Variants in TSHZ3 observed in about 807,000 individuals in gnomAD.
TSHZ3 encodes teashirt homolog 3.
Under a neutral mutation model 64.5 loss-of-function variants are expected in TSHZ3, and 10 were observed. The observed-to-expected ratio is 0.16, with a 90% CI of 0.10 to 0.26. TSHZ3 has a LOEUF of 0.26. TSHZ3 is among the 10% of genes least tolerant of loss of function. The pLI is 1.00. For synonymous variants in TSHZ3, 608 were observed against 593.1 expected, an observed-to-expected ratio of 1.03 and a Z score of -0.36; for missense variants, 1,242 against 1,421.7, an observed-to-expected ratio of 0.87 and a Z score of 2.03.
chr19:31,329,129 G>C (rs895793908), intron 1 of TSHZ3, among the ~76,000 whole-genome samples: 1 of 152,176 alleles, frequency 6.6e-6, no homozygotes, highest in Non-Finnish European at 1.5e-5. Context: ...ACTGAAAACG[G>C]ATATTTGTTA....
Position 31,278,380 on chromosome 19 carries a change from C to G in TSHZ3, c.1413G>C (p.Lys471Asn). 6.2e-7 allele frequency: 1 copy of G among 1,614,176 alleles called. No homozygotes were observed. The highest frequency in any genetic ancestry group is 8.5e-7 in the Non-Finnish European group (1 of 1,180,040). Reference protein sequence around the residue: ...SISPKLNVEVKKEVDKEKAVT... With the variant: ...SISPKLNVEVNKEVDKEKAVT... ...CCGCTTTCTCCTTGTCGACTTCCTT[C>G]TTGACCTCCACATTCAGTTTTGGGG... Residue 471 changes from lysine to asparagine, a missense_variant, in exon 2 of 2, where the codon AAG becomes AAC. By Grantham distance (94) the Lys-to-Asn change is moderately conservative (BLOSUM62 0). Transcript: ENST00000240587. This position sits in a 1 kb window ranked among gnomAD's most constrained non-coding sequence, Gnocchi z 4.7.
chr19:31,318,587 A>G (rs1916672310), intron 1 of TSHZ3, among the ~76,000 whole-genome samples: 1 of 152,236 alleles, frequency 6.6e-6, no homozygotes, highest in East Asian at 1.9e-4. Flanking sequence ...TCACTTCTGG[A>G]ACAAAATCCT....
chr19:31,230,148 T>A (rs1187399456), intron 3 of TSHZ3, among the ~76,000 whole-genome samples: 1 of 152,052 alleles, frequency 6.6e-6, no homozygotes, highest in Non-Finnish European at 1.5e-5. Flanking sequence ...AAAATAAACG[T>A]CTGAAAATAT....
At chr19:31,349,491 A>G (rs1431167747), upstream of TSHZ3, 24 of 344,872 alleles carry the variant, frequency 7.0e-5, no homozygotes, top group Middle Eastern at 7.7e-4. Flanking sequence ...AGGAGGAGGC[A>G]GAGGAGGAGG....
At chr19:31,264,745 A>G (rs982800015) in intron 1 of TSHZ3, among the ~76,000 whole-genome samples, 38 of 151,366 alleles carry the variant, frequency 2.5e-4, no homozygotes, top group Non-Finnish European at 4.7e-4. Context: ...GGCTCAAGCC[A>G]AACAAATCGG....
chr19:31,226,451 C>T (rs1284772837), intron 4 of TSHZ3, among the ~76,000 whole-genome samples: 1 of 152,120 alleles, frequency 6.6e-6, no homozygotes. Context: ...CTTTGCCTGC[C>T]ACTATGTAAG....
At chr19:31,166,380 G>A (rs1363848451) in intron 5 of TSHZ3, among the ~76,000 whole-genome samples, 1 of 152,236 alleles carries the variant, frequency 6.6e-6, no homozygotes, top group Admixed American at 6.5e-5. Context: ...TGACAGGGCA[G>A]GGAGCCTGGA....
intron 1 of TSHZ3, among the ~76,000 whole-genome samples, chr19:31,318,666 T>C (rs1466746093): frequency 1.3e-5 from 2 of 152,188 alleles, no homozygotes; most frequent in Non-Finnish European, 2.9e-5. Flanking sequence ...AAAACCACTT[T>C]CTAAAATGTC....
chr19:31,227,696 T>C (rs1975487096), intron 4 of TSHZ3, among the ~76,000 whole-genome samples: 1 of 152,166 alleles, frequency 6.6e-6, no homozygotes, highest in Middle Eastern at 3.2e-3. Context: ...TTTCACTCAG[T>C]AAAGTTGGAG....
intron 5 of TSHZ3, among the ~76,000 whole-genome samples, chr19:31,183,178 TTC>T (rs750398873): frequency 0.04 from 4,671 of 116,284 alleles, 68 homozygotes; most frequent in Non-Finnish European, 0.05. Flanking sequence ...TTCTATGAGA[TTC>T]TCTCTCTCTC....
intron 1 of TSHZ3, among the ~76,000 whole-genome samples, chr19:31,257,228 G>A (rs1291280606): frequency 6.6e-6 from 1 of 152,132 alleles, no homozygotes; most frequent in African/African-American, 2.4e-5. Context: ...AGGGTGGCGA[G>A]GGAGCAGGAC....
intron 1 of TSHZ3, among the ~76,000 whole-genome samples, chr19:31,336,095 A>G (rs1917234534): frequency 6.6e-6 from 1 of 152,224 alleles, no homozygotes. Context: ...CTTTGGGAAG[A>G]GAATGGTGTG....
intron 5 of TSHZ3, among the ~76,000 whole-genome samples, chr19:31,176,280 G>T (rs561774186): frequency 6.6e-5 from 10 of 152,228 alleles, no homozygotes; most frequent in African/African-American, 2.2e-4. Context: ...TAGGGGAGGA[G>T]GGGTGGGCAC....
At chr19:31,302,083 T>C (rs1976766853) in intron 1 of TSHZ3, among the ~76,000 whole-genome samples, 1 of 152,040 alleles carries the variant, frequency 6.6e-6, no homozygotes, top group Non-Finnish European at 1.5e-5. Flanking sequence ...GGCCCTTACA[T>C]AAAGTTTGTA....
At chr19:31,307,387 G>C (rs532527213) in intron 1 of TSHZ3, among the ~76,000 whole-genome samples, 2 of 152,092 alleles carry the variant, frequency 1.3e-5, no homozygotes, top group African/African-American at 4.8e-5. Context: ...CTGGGGAGAC[G>C]GGAAGATGGA....
Position 31,276,757 on chromosome 19 carries a change from T to C in TSHZ3, c.3036A>G (p.Glu1012=). ...RLRDLSKLST[E]QINSQIAQTK... ...TTTGTGCTATCTGACTGTTAATCTG[T>C]TCGGTGGACAGTTTGGATAAGTCCC... Residue 1012 remains glutamate (E), a synonymous_variant, in exon 2 of 2, where the codon GAA becomes GAG. Coordinates refer to ENST00000240587, the MANE Select transcript of TSHZ3 (RefSeq NM_020856.4). The C allele has an allele frequency of 1.2e-6, 2 of 1,613,876 alleles. No individual in the cohort carries two copies. Among genetic ancestry groups the C allele is most frequent in the Non-Finnish European group, 1.7e-6 (2 of 1,179,746 alleles).
At chr19:31,344,434 C>T (rs1007544562) in intron 1 of TSHZ3, among the ~76,000 whole-genome samples, 3 of 152,236 alleles carry the variant, frequency 2.0e-5, no homozygotes, top group Admixed American at 6.5e-5. Context: ...TATTTTTACC[C>T]TCTGCCCAGT....
At chr19:31,223,187 T>G (rs940875717) in intron 4 of TSHZ3, among the ~76,000 whole-genome samples, 1 of 152,172 alleles carries the variant, frequency 6.6e-6, no homozygotes, top group African/African-American at 2.4e-5. Context: ...TGGTGTACAC[T>G]TAAAATATTA....
At chr19:31,281,136 C>T (rs1976354938) in intron 1 of TSHZ3, among the ~76,000 whole-genome samples, 1 of 152,132 alleles carries the variant, frequency 6.6e-6, no homozygotes, top group East Asian at 1.9e-4. Flanking sequence ...CTACAAAAAG[C>T]TCTTAAGAAA....
Sources: allele counts gnomAD v4.1 joint callset (sites outside exome capture counted in the v4.1 genomes callset), GRCh38; gene constraint gnomAD v4.1.1; non-coding constraint Gnocchi (gnomAD v3.1); transcripts MANE v1.5; gene names NCBI Gene and HGNC (gene_info 2026-07-23, HGNC 2026-07-21).